Variants in TDRD5 observed in about 807,000 individuals in gnomAD.
The protein encoded by TDRD5 is tudor domain-containing protein 5.
A neutral mutation model predicts 120.6 loss-of-function variants in TDRD5; 41 were observed. The ratio of observed to expected loss-of-function variants is 0.34; its 90% CI spans 0.26 to 0.44. The LOEUF (loss-of-function observed/expected upper bound fraction) is 0.44, where lower values mean the gene tolerates loss of function less well. Among genes scored for constraint, TDRD5 ranks in the 20% least tolerant of loss-of-function variants. The pLI is 1.00. For missense variants in TDRD5, 1,006 were observed against 1,221.2 expected, an observed-to-expected ratio of 0.82 and a Z score of 2.63; for synonymous variants, 430 against 433.7, an observed-to-expected ratio of 0.99 and a Z score of 0.11.
rs1681114485 is a variant in TDRD5 at position 179,690,890 on chromosome 1, A to G, written c.3055A>G (p.Thr1019Ala). 1 of 1,613,700 alleles carries G rather than the reference A, an allele frequency of 6.2e-7. No individual in the cohort carries two copies. Among genetic ancestry groups the G allele is most frequent in the Non-Finnish European group, 8.5e-7 (1 of 1,179,960 alleles). Residue 1019 changes from threonine (T) to alanine (A), a missense_variant, in exon 18 of 18, where the codon ACA (threonine) becomes GCA (alanine). Thr to Ala is a moderately conservative substitution (Grantham distance 58). Around this residue, in one of 3 missense-constraint regions of TDRD5, gnomAD observed 403 missense variants for 448.1 expected, o/e 0.90. Transcript: ENST00000444136. ...AALGAAARLATSRSLLHWYPS... is the reference protein window; with the variant it reads ...AALGAAARLAASRSLLHWYPS... ...CTTAGGTGCTGCCGCACGGTTAGCT[A>G]CATCCAGGAGCCTCCTACACTGGTA...
intron 17 of TDRD5, among the ~76,000 whole-genome samples, chr1:179,678,198 C>A (rs112827591): frequency 6.6e-6 from 1 of 152,142 alleles, no homozygotes; most frequent in Non-Finnish European, 1.5e-5. Flanking sequence ...CCGGCAGTCA[C>A]GGGCCTCACT....
intron 4 of TDRD5, among the ~76,000 whole-genome samples, chr1:179,597,582 A>G (rs1189887582): frequency 6.6e-6 from 1 of 152,076 alleles, no homozygotes; most frequent in African/African-American, 2.4e-5. Flanking sequence ...TGCCTGCCTC[A>G]GCTTCCCAAA....
intron 6 of TDRD5, among the ~76,000 whole-genome samples, chr1:179,625,110 A>G (rs1677048991): frequency 6.8e-6 from 1 of 147,782 alleles, no homozygotes; most frequent in Non-Finnish European, 1.5e-5. Flanking sequence ...GAACAACTGA[A>G]TGCAAGATAC....
chr1:179,627,115 T>C (rs1226843722), intron 6 of TDRD5, among the ~76,000 whole-genome samples: 1 of 152,208 alleles, frequency 6.6e-6, no homozygotes. Flanking sequence ...GGGAGTGACT[T>C]ATATACTCAA....
At chr1:179,597,336 T>C (rs925487237) in intron 4 of TDRD5, among the ~76,000 whole-genome samples, 6 of 146,186 alleles carry the variant, frequency 4.1e-5, no homozygotes, top group South Asian at 2.2e-4. Flanking sequence ...TTTTTTCTTT[T>C]TTTTTTTTTT....
chr1:179,618,841 C>T (rs548670139), intron 5 of TDRD5, among the ~76,000 whole-genome samples, 159 bp downstream of exon 5: 4 of 152,176 alleles, frequency 2.6e-5, no homozygotes, highest in South Asian at 4.2e-4. Flanking sequence ...AAACAAAATA[C>T]GTACTCCTAA....
intron 4 of TDRD5, among the ~76,000 whole-genome samples, chr1:179,613,191 C>T (rs1676377308): frequency 6.6e-6 from 1 of 152,104 alleles, no homozygotes; most frequent in Non-Finnish European, 1.5e-5. Context: ...AGAGGTGAAA[C>T]ATTTTATTTC....
intron 17 of TDRD5, among the ~76,000 whole-genome samples, chr1:179,681,076 ATC>A (rs1680395398): frequency 1.3e-5 from 2 of 152,202 alleles, no homozygotes; most frequent in Non-Finnish European, 2.9e-5. Context: ...TTATCTATCT[ATC>A]TACATTTTTA....
chr1:179,649,772 G>A (rs1284613031), intron 11 of TDRD5, among the ~76,000 whole-genome samples: 1 of 151,742 alleles, frequency 6.6e-6, no homozygotes, highest in Non-Finnish European at 1.5e-5. Flanking sequence ...TTTTATCTTT[G>A]CCTATGTACT....
intron 11 of TDRD5, among the ~76,000 whole-genome samples, chr1:179,642,165 A>G (rs1268191527): frequency 6.7e-6 from 1 of 149,926 alleles, no homozygotes; most frequent in African/African-American, 2.5e-5. Flanking sequence ...CAGTGGTGCA[A>G]TCTCGGCTCA....
At chr1:179,632,776 A>G (rs4652429) in intron 7 of TDRD5, among the ~76,000 whole-genome samples, 64,489 of 151,918 alleles carry the variant, frequency 0.42, 13,886 homozygotes, top group East Asian at 0.47. Flanking sequence ...TATAAATACA[A>G]ATTTTCCTCA....
At chr1:179,662,069 A>T (rs751075856) in intron 14 of TDRD5, 35 bp from the exon 15 acceptor site, 50 of 1,503,576 alleles carry the variant, frequency 3.3e-5, no homozygotes, top group Non-Finnish European at 4.2e-5. Flanking sequence ...GGAACTATAA[A>T]TGATAGTTTT....
intron 14 of TDRD5, among the ~76,000 whole-genome samples, chr1:179,657,831 TCA>T (rs1336838016): frequency 6.6e-6 from 1 of 152,200 alleles, no homozygotes; most frequent in African/African-American, 2.4e-5. Context: ...ATGCATTACC[TCA>T]CATATTTGTT....
chr1:179,638,068 T>C (rs966749455), intron 9 of TDRD5, among the ~76,000 whole-genome samples: 1 of 151,932 alleles, frequency 6.6e-6, no homozygotes, highest in Admixed American at 6.6e-5. Flanking sequence ...TAGCACCAGG[T>C]GAGGTTGCAG....
At chr1:179,688,162 C>T (rs991162044) in intron 17 of TDRD5, among the ~76,000 whole-genome samples, 4 of 152,150 alleles carry the variant, frequency 2.6e-5, no homozygotes, top group South Asian at 4.1e-4. Flanking sequence ...CAATTTGGCA[C>T]GTTTTTGCAG....
chr1:179,608,781 A>G (rs1163969036), intron 4 of TDRD5, among the ~76,000 whole-genome samples: 1 of 151,236 alleles, frequency 6.6e-6, no homozygotes, highest in East Asian at 1.9e-4. Flanking sequence ...ATCATATTCT[A>G]CCACTTCACA....
chr1:179,641,968 T>A (rs993385817), intron 11 of TDRD5, among the ~76,000 whole-genome samples: 6 of 152,236 alleles, frequency 3.9e-5, no homozygotes, highest in African/African-American at 1.4e-4. Context: ...TTCTTTTTAC[T>A]ATTTTGCCAT....
chr1:179,621,693 T>A (rs1450829325), intron 6 of TDRD5, among the ~76,000 whole-genome samples: 1 of 152,118 alleles, frequency 6.6e-6, no homozygotes, highest in Non-Finnish European at 1.5e-5. Context: ...ACCATAATGT[T>A]GAGTGAAAAA....
intron 17 of TDRD5, among the ~76,000 whole-genome samples, chr1:179,672,847 T>A (rs1679927078): frequency 1.3e-5 from 2 of 152,314 alleles, no homozygotes; most frequent in Non-Finnish European, 2.9e-5. Flanking sequence ...ATTTGTTGAA[T>A]AGGGTGTCCT....
Sources: gnomAD v4.1 joint callset for allele counts (sites outside exome capture counted in the v4.1 genomes callset) on GRCh38, gnomAD v4.1.1 for gene constraint, gnomAD v4.1.1 regional missense constraint, MANE v1.5 for transcripts, NCBI Gene and HGNC (gene_info 2026-07-23, HGNC 2026-07-21) for gene names.